Variants in ARMC6 observed in about 807,000 individuals in gnomAD.
ARMC6 encodes armadillo repeat containing 6.
Under a neutral mutation model 49.2 loss-of-function variants are expected in ARMC6, and 43 were observed. That is an observed-to-expected ratio of 0.87 (90% confidence interval 0.69 to 1.13). The LOEUF is 1.13. ARMC6 is among the 50% of genes most tolerant of loss of function. ARMC6 has a pLI of 0.00. For synonymous variants in ARMC6, 262 were observed against 289.6 expected (o/e 0.90, Z 0.97); for missense variants, 627 against 682.0 (o/e 0.92, Z 0.90).
rs1422941189 is a variant in ARMC6, at chr19:19,055,382, C to T, written c.1141C>T (p.Leu381=). Residue 381 remains leucine (L), a synonymous_variant, in exon 7 of 9, where the codon CTG becomes TTG. Transcript: ENST00000535612. This position sits in a 1 kb window ranked among gnomAD's most constrained non-coding sequence, Gnocchi z 5.7. ...ESIVAAMTQH[L]TSPQVCEQSC... Reference sequence around the variant, plus strand: ...CATCGTGGCTGCTATGACCCAGCATCTGACCAGCCCCCAGGTACCCACCTC... The same window carrying T: ...CATCGTGGCTGCTATGACCCAGCATTTGACCAGCCCCCAGGTACCCACCTC... The T allele has an allele frequency of 6.2e-7, 1 of 1,608,164 alleles. No homozygotes were observed. The highest frequency in any genetic ancestry group is 1.3e-5 in the African/African-American group (1 of 74,720).
At chr19:19,038,216 C>T (rs753704648) in intron 2 of ARMC6, among the ~76,000 whole-genome samples, 2 of 152,144 alleles carry the variant, frequency 1.3e-5, no homozygotes, top group Non-Finnish European at 2.9e-5. Context: ...TCCTACATTA[C>T]AGTGAATAGT....
At chr19:19,039,762 A>G (rs986032033) in intron 2 of ARMC6, among the ~76,000 whole-genome samples, 1 of 152,174 alleles carries the variant, frequency 6.6e-6, no homozygotes, top group African/African-American at 2.4e-5. Context: ...CACCATGCGC[A>G]CAGACCATTT....
chr19:19,056,460 C>T (rs1450425857), intron 8 of ARMC6, among the ~76,000 whole-genome samples: 2 of 152,132 alleles, frequency 1.3e-5, no homozygotes, highest in Non-Finnish European at 1.5e-5. Flanking sequence ...CAAGGTTTTG[C>T]CATGTTAGCC....
At chr19:19,034,464 G>A (rs780950341) in intron 2 of ARMC6, among the ~76,000 whole-genome samples, 5 of 152,200 alleles carry the variant, frequency 3.3e-5, no homozygotes, top group Non-Finnish European at 5.9e-5. Flanking sequence ...GTGAGGTGGA[G>A]TCTAGGCTCT....
chr19:19,053,493 A>G (rs964827311), intron 5 of ARMC6, among the ~76,000 whole-genome samples: 2 of 151,496 alleles, frequency 1.3e-5, no homozygotes, highest in Non-Finnish European at 2.9e-5. Flanking sequence ...TCTCAAAAAA[A>G]TTAATAATAA....
At chr19:19,051,375 CTG>C (rs35164662) in intron 4 of ARMC6, among the ~76,000 whole-genome samples, 21,474 of 139,538 alleles carry the variant, frequency 0.15, 1,700 homozygotes, top group East Asian at 0.24. Flanking sequence ...CTCTCTCTCT[CTG>C]TGTGTGTGTG....
At chr19:19,044,651 G>A (rs16995868) in intron 4 of ARMC6, among the ~76,000 whole-genome samples, 2,708 of 152,332 alleles carry the variant, frequency 0.018, 75 homozygotes, top group African/African-American at 0.061. Flanking sequence ...AGAAGGCTCC[G>A]GTGTTTGAGA....
chr19:19,047,381 A>T (rs1361839216), intron 4 of ARMC6, among the ~76,000 whole-genome samples: 1 of 152,102 alleles, frequency 6.6e-6, no homozygotes, highest in Non-Finnish European at 1.5e-5. Context: ...AAAATTCAAC[A>T]TTGTGATGGT....
intron 5 of ARMC6, among the ~76,000 whole-genome samples, 173 bp downstream of exon 5, chr19:19,052,368 C>G (rs2059505900): frequency 6.6e-6 from 1 of 152,186 alleles, no homozygotes; most frequent in African/African-American, 2.4e-5. Context: ...CCCATGTTTT[C>G]TAGTGGCTCC....
At chr19:19,037,767 C>T (rs2059382493) in intron 2 of ARMC6, 3 of 918,714 alleles carry the variant, frequency 3.3e-6, no homozygotes, top group South Asian at 4.0e-5. Context: ...GGCTCTGGAC[C>T]TAAGGCCTGT....
At chr19:19,048,117 A>G (rs1480394008) in intron 4 of ARMC6, among the ~76,000 whole-genome samples, 1 of 152,110 alleles carries the variant, frequency 6.6e-6, no homozygotes, top group East Asian at 1.9e-4. Flanking sequence ...GAGCCCAGGC[A>G]GGTGGATCAC....
chr19:19,055,684 C>T lies in ARMC6; in HGVS notation c.1156-107C>T. On this transcript the variant is annotated intron_variant, in intron 7 of 8. Coordinates refer to ENST00000535612, the MANE Select transcript of ARMC6 (RefSeq NM_001199196.2). This position sits in a 1 kb window ranked among gnomAD's most constrained non-coding sequence, Gnocchi z 5.7. ...TATTACACAGGAGTTGCCAGAGACCCACGGAGGGGAGGCCGCAGGGTGTTC... is the reference window on the plus strand; with the variant it reads ...TATTACACAGGAGTTGCCAGAGACCTACGGAGGGGAGGCCGCAGGGTGTTC... 1.4e-6 allele frequency: 2 copies of T among 1,455,232 alleles called. No individual in the cohort carries two copies. Among genetic ancestry groups the T allele is most frequent in the South Asian group, 1.4e-5 (1 of 73,802 alleles). The allele number at this position is 1,455,232 out of a possible 1,614,324, so 90.1% of individuals were successfully genotyped here.
intron 8 of ARMC6, among the ~76,000 whole-genome samples, 177 bp from the exon 9 acceptor site, chr19:19,057,239 T>C (rs746623461): frequency 1.1e-4 from 16 of 152,214 alleles, no homozygotes; most frequent in Non-Finnish European, 1.9e-4. Context: ...CCATGCCTTG[T>C]GGGGCTGCCA....
chr19:19,047,362 AG>A (rs1422094884), intron 4 of ARMC6, among the ~76,000 whole-genome samples: 1 of 152,110 alleles, frequency 6.6e-6, no homozygotes, highest in Non-Finnish European at 1.5e-5. Context: ...TTATCTGTTG[AG>A]GGAGAAAAAA....
At chr19:19,046,674 TAG>T (rs2059453096) in intron 4 of ARMC6, among the ~76,000 whole-genome samples, 1 of 151,746 alleles carries the variant, frequency 6.6e-6, no homozygotes, top group African/African-American at 2.4e-5. Context: ...TTTGTATTTT[TAG>T]TAGAGATGGG....
rs982959454 is a variant in ARMC6, at chr19:19,051,888, G to A, written c.546G>A (p.Val182=). Residue 182 remains valine, a synonymous_variant, in exon 5 of 9, where the codon GTG becomes GTA. Transcript: ENST00000535612. ...LLDAQGLQLL[V]ATLTQNADEA... is the part of the protein sequence containing the mutation. ...ATGCCCAGGGCCTGCAGCTCCTAGT[G>A]GCCACGCTGACCCAGAATGCTGATG... is the stretch of plus-strand genomic sequence containing the variant. The A allele has an allele frequency of 6.2e-7, 1 of 1,614,110 alleles. No homozygotes were observed. The highest frequency in any genetic ancestry group is 1.3e-5 in the African/African-American group (1 of 75,048).
chr19:19,053,967 C>A lies in ARMC6; in HGVS notation c.854-185C>A, dbSNP rs180808168. ...GGGGCACATTCTTAAGTCTTCCCAG[C>A]AGCCAGCAGGGGGCACTGCAGGCCC... On this transcript the variant is annotated intron_variant, in intron 5 of 8. Transcript: ENST00000535612. Among the ~76,000 whole-genome samples the A allele has an allele frequency of 3.2e-3, 482 of 151,980 alleles. 2 individuals are homozygous for A. Among genetic ancestry groups the A allele is most frequent in the African/African-American group, 0.011 (459 of 41,440 alleles).
intron 5 of ARMC6, among the ~76,000 whole-genome samples, chr19:19,053,315 C>T (rs1019734795): frequency 6.6e-6 from 1 of 152,068 alleles, no homozygotes; most frequent in Non-Finnish European, 1.5e-5. Context: ...TGATGAAACC[C>T]TGTTTCTACT....
At position 19,058,113 on chromosome 19, in the gene ARMC6, G is replaced by C; in HGVS notation, c.*485G>C. 4.7e-6 allele frequency: 1 copy of C among 212,736 alleles called. No homozygotes were observed. The highest frequency in any genetic ancestry group is 5.4e-5 in the Admixed American group (1 of 18,450). The allele number at this position is 212,736 out of a possible 1,614,324, so 13.2% of individuals were successfully genotyped here. On this transcript the variant is annotated 3_prime_UTR_variant, in exon 9 of 9. Coordinates refer to ENST00000535612, the MANE Select transcript of ARMC6 (RefSeq NM_001199196.2). ...GCTCCGCCCTGCTTGGCCCCAGCTT[G>C]TCTGTCTCTGGGTCCTGGGCCAGCC...
Sources: gnomAD v4.1 joint callset for allele counts (sites outside exome capture counted in the v4.1 genomes callset) on GRCh38, gnomAD v4.1.1 for gene constraint, Gnocchi (gnomAD v3.1) non-coding constraint, MANE v1.5 for transcripts, NCBI Gene and HGNC (gene_info 2026-07-23, HGNC 2026-07-21) for gene names.